TTC6: variants seen among roughly 807,000 people sequenced by gnomAD.
TTC6 encodes tetratricopeptide repeat protein 6.
A neutral mutation model predicts 210.4 loss-of-function variants in TTC6; 172 were observed. That is an observed-to-expected ratio of 0.82 (90% confidence interval 0.72 to 0.93). The LOEUF is 0.93. TTC6 is among the 40% of genes least tolerant of loss of function. TTC6 has a pLI of 0.00. For synonymous variants in TTC6, 804 were observed against 819.6 expected, an observed-to-expected ratio of 0.98 and a Z score of 0.32; for missense variants, 2,414 against 2,318.1, an observed-to-expected ratio of 1.04 and a Z score of -0.85.
chr14:37,796,132 T>C (rs565957309), intron 18 of TTC6, among the ~76,000 whole-genome samples, 162 bp from the exon 21 acceptor site: 1 of 152,190 alleles, frequency 6.6e-6, no homozygotes, highest in Admixed American at 6.5e-5. Flanking sequence ...CTAATTGATA[T>C]ATTTAGTTTA....
Position 37,622,230 on chromosome 14 carries a change from GCCCCCGGC to G in TTC6, c.169_176del (p.Pro57GlyfsTer21). On this transcript the variant is annotated frameshift_variant, in exon 1 of 31. Coordinates refer to ENST00000553443, the Ensembl canonical transcript of TTC6. LOFTEE classifies it high-confidence loss of function. Reference sequence around the variant, plus strand: ...TGAAAGCCCAGTCCACAGCCTCCATGCCCCCGGCCCGGCCCGCCCCGCGCGCGTTTCCT... The same window carrying G: ...TGAAAGCCCAGTCCACAGCCTCCATGCCGGCCCGCCCCGCGCGCGTTTCCT... 1 of 1,535,402 alleles carries G rather than the reference GCCCCCGGC, an allele frequency of 6.5e-7. No individual in the cohort carries two copies. The highest frequency in any genetic ancestry group is 8.7e-7 in the Non-Finnish European group (1 of 1,146,608).
At chr14:37,667,366 T>G (rs1177805556) in intron 1 of TTC6, among the ~76,000 whole-genome samples, 2 of 150,514 alleles carry the variant, frequency 1.3e-5, no homozygotes, top group African/African-American at 4.8e-5. Flanking sequence ...GTGAATGTCA[T>G]TGGGGTGGAA....
intron 2 of TTC6, among the ~76,000 whole-genome samples, chr14:37,607,493 G>C (rs2095627239): frequency 6.6e-6 from 1 of 152,040 alleles, no homozygotes; most frequent in Non-Finnish European, 1.5e-5. Context: ...TTGAAGACAA[G>C]ATTCTGCCTT....
chr14:37,629,534 C>G (rs574807965), intron 1 of TTC6, among the ~76,000 whole-genome samples: 2 of 152,262 alleles, frequency 1.3e-5, no homozygotes, highest in African/African-American at 4.8e-5. Context: ...TCTAAATATA[C>G]AATCATGTCA....
intron 1 of TTC6, among the ~76,000 whole-genome samples, chr14:37,667,403 C>A (rs573658190): frequency 6.6e-6 from 1 of 150,496 alleles, no homozygotes; most frequent in Admixed American, 6.6e-5. Context: ...GAGATGGAAT[C>A]GCACCCTTTC....
At chr14:37,758,160 A>G (rs185913145) in intron 14 of TTC6, among the ~76,000 whole-genome samples, 2 of 152,218 alleles carry the variant, frequency 1.3e-5, no homozygotes, top group East Asian at 3.9e-4. Context: ...TATTCTGTTG[A>G]TTTGGTGTGG....
chr14:37,766,795 C>CT (rs1336967268), intron 14 of TTC6, among the ~76,000 whole-genome samples: 4 of 151,962 alleles, frequency 2.6e-5, no homozygotes, highest in African/African-American at 4.8e-5. Flanking sequence ...AAACTACTTT[C>CT]TTTTTTTTAT....
rs368293440 is a variant in TTC6, at chr14:37,727,291, ATTTT to A, written c.1818+2309_1818+2312del. On this transcript the variant is annotated intron_variant, in intron 7 of 30. Transcript: ENST00000553443. ...GACATTCTATGTTGGTATTTTTCTA[ATTTT>A]TTTTTTTTTTTTTTTTTTTGAGACA... Among the ~76,000 whole-genome samples the A allele has an allele frequency of 8.3e-4, 77 of 92,244 alleles. No individual in the cohort carries two copies. The East Asian group carries it at 0.022, about 26-fold the overall frequency. The allele number at this position is 92,244 out of a possible 152,430, so 60.5% of individuals were successfully genotyped here.
chr14:37,625,369 GA>G (rs1445345831), intron 1 of TTC6, among the ~76,000 whole-genome samples: 2 of 151,606 alleles, frequency 1.3e-5, no homozygotes, highest in Non-Finnish European at 2.9e-5. Context: ...CCAACATGGT[GA>G]AACCCCATCT....
chr14:37,697,936 G>A (rs554731888), intron 4 of TTC6, among the ~76,000 whole-genome samples: 33 of 152,086 alleles, frequency 2.2e-4, no homozygotes, highest in Admixed American at 2.2e-3. Context: ...TTATGTCTTA[G>A]TGTTTCAAAG....
chr14:37,757,550 G>C (rs925401558), intron 14 of TTC6, among the ~76,000 whole-genome samples: 1 of 152,130 alleles, frequency 6.6e-6, no homozygotes, highest in African/African-American at 2.4e-5. Context: ...TGGGATTACA[G>C]GCATGAGCCA....
intron 7 of TTC6, among the ~76,000 whole-genome samples, chr14:37,732,475 G>A (rs1410141570): frequency 1.3e-5 from 2 of 151,252 alleles, no homozygotes; most frequent in Non-Finnish European, 1.5e-5. Flanking sequence ...GAGCCACCAC[G>A]CCCGGCCTTA....
At chr14:37,829,078 A>C (rs2096178803) in intron 29 of TTC6, among the ~76,000 whole-genome samples, 1 of 151,944 alleles carries the variant, frequency 6.6e-6, no homozygotes. Flanking sequence ...GTGTGATATG[A>C]GGATCATGAC....
chr14:37,655,556 A>G (rs1480104623), intron 1 of TTC6, among the ~76,000 whole-genome samples: 1 of 152,090 alleles, frequency 6.6e-6, no homozygotes, highest in Non-Finnish European at 1.5e-5. Flanking sequence ...ACTTTCTGCC[A>G]TGTCTATGAT....
intron 3 of TTC6, among the ~76,000 whole-genome samples, chr14:37,691,054 G>A (rs1318625717): frequency 6.6e-6 from 1 of 152,112 alleles, no homozygotes; most frequent in Non-Finnish European, 1.5e-5. Flanking sequence ...AACCGGTCAG[G>A]TGTGGTGGCT....
intron 5 of TTC6, among the ~76,000 whole-genome samples, chr14:37,706,503 T>A (rs968066616): frequency 5.9e-5 from 9 of 152,216 alleles, no homozygotes; most frequent in African/African-American, 1.9e-4. Context: ...TGCACAAGGA[T>A]GTTCATCATA....
intron 14 of TTC6, among the ~76,000 whole-genome samples, chr14:37,768,936 G>A (rs1270650656): frequency 8.6e-5 from 13 of 151,202 alleles, no homozygotes; most frequent in Non-Finnish European, 1.8e-4. Flanking sequence ...TTGGCTGTGG[G>A]TTTGTCATAG....
At chr14:37,780,297 A>T (rs2139250211) in intron 14 of TTC6, among the ~76,000 whole-genome samples, 1 of 152,302 alleles carries the variant, frequency 6.6e-6, no homozygotes, top group Non-Finnish European at 1.5e-5. Flanking sequence ...CATTTTTGTT[A>T]CATAGGTAAA....
At chr14:37,785,215 G>A (rs532444404) in intron 14 of TTC6, among the ~76,000 whole-genome samples, 7 of 152,260 alleles carry the variant, frequency 4.6e-5, no homozygotes, top group African/African-American at 1.7e-4. Flanking sequence ...CCTGAAGAGT[G>A]TTTTCCAACT....
Sources: gnomAD v4.1 joint callset for allele counts (sites outside exome capture counted in the v4.1 genomes callset) on GRCh38, gnomAD v4.1.1 for gene constraint, MANE v1.5 for transcripts, NCBI Gene and HGNC (gene_info 2026-07-23, HGNC 2026-07-21) for gene names.